CDH4: variants seen among roughly 807,000 people sequenced by gnomAD.
The protein encoded by CDH4 is cadherin-4.
Under a neutral mutation model 86.0 loss-of-function variants are expected in CDH4, and 33 were observed. That is an observed-to-expected ratio of 0.38 (90% CI 0.29 to 0.51). The LOEUF (loss-of-function observed/expected upper bound fraction) is 0.51. Among genes scored for constraint, CDH4 ranks in the 20% least tolerant of loss-of-function variants. The probability of loss-of-function intolerance (pLI) is 0.86; values close to 1 mark genes in which losing one functional copy is unlikely to be tolerated. For missense variants in CDH4, 1,114 were observed against 1,307.4 expected (o/e 0.85, Z 2.28); for synonymous variants, 555 against 549.4 (o/e 1.01, Z -0.14).
At chr20:61,526,175 C>A (rs551234345) in intron 2 of CDH4, among the ~76,000 whole-genome samples, 3 of 152,054 alleles carry the variant, frequency 2.0e-5, no homozygotes, top group Admixed American at 6.5e-5. Context: ...TGCCCCTCCC[C>A]CTCCCCGGGT....
chr20:61,527,952 C>G (rs1008816635), intron 2 of CDH4, among the ~76,000 whole-genome samples: 4 of 152,046 alleles, frequency 2.6e-5, no homozygotes, highest in Admixed American at 2.6e-4. Context: ...TGGTGATGTC[C>G]CATTAGTGCC....
intron 2 of CDH4, among the ~76,000 whole-genome samples, chr20:61,311,526 G>C (rs963064429): frequency 6.6e-6 from 1 of 152,184 alleles, no homozygotes; most frequent in Non-Finnish European, 1.5e-5. Flanking sequence ...CAGATATTTA[G>C]TAAACATAGA....
At chr20:61,753,192 A>G (rs1437088372) in intron 3 of CDH4, among the ~76,000 whole-genome samples, 1 of 152,086 alleles carries the variant, frequency 6.6e-6, no homozygotes, top group Admixed American at 6.6e-5. Context: ...GTTTATTGAG[A>G]GGAGCCTGGA....
chr20:61,857,041 C>G lies in CDH4; in HGVS notation c.877+4143C>G, dbSNP rs184627367. Among the ~76,000 whole-genome samples the G allele has an allele frequency of 1.8e-3, 273 of 152,344 alleles. 1 individual carries two copies. Among genetic ancestry groups the G allele is most frequent in the Admixed American group, 2.4e-3 (37 of 15,310 alleles). On this transcript the variant is annotated intron_variant, in intron 6 of 15. Coordinates refer to ENST00000614565, the MANE Select transcript of CDH4 (RefSeq NM_001794.5). ...GCTTGTTCCTAAGCAGCTGGACAGCCCTGGGGGTGAGGGGAGCGTGTCTTT... is the reference window on the plus strand; with the variant it reads ...GCTTGTTCCTAAGCAGCTGGACAGCGCTGGGGGTGAGGGGAGCGTGTCTTT...
chr20:61,766,824 G>T (rs867195395), intron 3 of CDH4, among the ~76,000 whole-genome samples: 4 of 152,234 alleles, frequency 2.6e-5, no homozygotes, highest in African/African-American at 9.6e-5. Flanking sequence ...TCACCCTTCA[G>T]TGCCCTGACC....
intron 2 of CDH4, among the ~76,000 whole-genome samples, chr20:61,318,425 T>A (rs534976279): frequency 1.5e-4 from 23 of 152,262 alleles, no homozygotes; most frequent in Middle Eastern, 3.4e-3. Context: ...GTGACAATGA[T>A]TTGAACTGAC....
intron 2 of CDH4, among the ~76,000 whole-genome samples, chr20:61,644,364 G>A (rs2087039984): frequency 6.6e-6 from 1 of 152,218 alleles, no homozygotes; most frequent in Non-Finnish European, 1.5e-5. Context: ...GGGCTGCGCA[G>A]AGCCCTTCGA....
chr20:61,366,081 G>A (rs746138815), intron 2 of CDH4, among the ~76,000 whole-genome samples: 10 of 152,186 alleles, frequency 6.6e-5, no homozygotes, highest in Admixed American at 2.6e-4. Flanking sequence ...AGTGGTGGCC[G>A]GCCAGCCGCA....
chr20:61,729,188 C>T (rs779373845), intron 2 of CDH4, among the ~76,000 whole-genome samples: 7 of 152,204 alleles, frequency 4.6e-5, no homozygotes, highest in Non-Finnish European at 1.0e-4. Context: ...GCATTGGTGG[C>T]TGGATTTGCC....
Position 61,761,931 on chromosome 20 carries a change from G to A in CDH4, c.397-11072G>A, listed in dbSNP as rs117332189. Among the ~76,000 whole-genome samples the A allele has an allele frequency of 3.3e-5, 5 of 152,066 alleles. No individual in the cohort carries two copies. In the East Asian group the frequency reaches 9.6e-4, roughly 29 times the overall value. On this transcript the variant is annotated intron_variant, in intron 3 of 15. Transcript: ENST00000614565. ...GCACAGCAGGCAGCTCCGCACAGCA[G>A]GCAGCGCCGCACGGCAGGCAGCTCC...
intron 2 of CDH4, among the ~76,000 whole-genome samples, chr20:61,447,363 A>G (rs537474771): frequency 7.3e-6 from 1 of 136,996 alleles, no homozygotes; most frequent in East Asian, 2.1e-4. Context: ...TAGTAGAGAC[A>G]GGGTTTTGCT....
At chr20:61,656,726 G>T (rs553445495) in intron 2 of CDH4, among the ~76,000 whole-genome samples, 1 of 152,302 alleles carries the variant, frequency 6.6e-6, no homozygotes, top group East Asian at 1.9e-4. Context: ...CTCCTCCCAG[G>T]ATCGTCCCCT....
chr20:61,494,824 G>A (rs2085648515), intron 2 of CDH4, among the ~76,000 whole-genome samples: 1 of 152,244 alleles, frequency 6.6e-6, no homozygotes, highest in Non-Finnish European at 1.5e-5. Context: ...CTCCTGGAAG[G>A]TGGAGCATCT....
At chr20:61,481,929 C>T (rs1053559681) in intron 2 of CDH4, among the ~76,000 whole-genome samples, 1 of 152,156 alleles carries the variant, frequency 6.6e-6, no homozygotes, top group Non-Finnish European at 1.5e-5. Context: ...ATGACTTTTC[C>T]ATACATATCG....
chr20:61,609,774 T>C (rs1157175209), intron 2 of CDH4, among the ~76,000 whole-genome samples: 2 of 152,248 alleles, frequency 1.3e-5, no homozygotes, highest in Non-Finnish European at 2.9e-5. Context: ...TTGATTGCCA[T>C]TTGAATGAGC....
At chr20:61,889,338 A>G (rs867484999) in intron 7 of CDH4, among the ~76,000 whole-genome samples, 1 of 99,252 alleles carries the variant, frequency 1.0e-5, no homozygotes, top group African/African-American at 3.8e-5. Context: ...GGATGGATGG[A>G]TGGGTGAGTG....
chr20:61,443,424 A>G (rs1388713270), intron 2 of CDH4, among the ~76,000 whole-genome samples: 2 of 152,228 alleles, frequency 1.3e-5, no homozygotes. Context: ...GGCAGTGAAG[A>G]CACTTCAAGG....
chr20:61,842,069 G>A (rs1982204046), intron 4 of CDH4, among the ~76,000 whole-genome samples: 1 of 152,232 alleles, frequency 6.6e-6, no homozygotes, highest in South Asian at 2.1e-4. Context: ...TTTTCCAGGG[G>A]ATGACTTGCT....
chr20:61,643,748 C>T (rs951389867), intron 2 of CDH4, among the ~76,000 whole-genome samples: 17 of 152,356 alleles, frequency 1.1e-4, no homozygotes, highest in African/African-American at 4.1e-4. Flanking sequence ...GCTGCTACAC[C>T]AGATCCTCAC....
Sources: gnomAD v4.1 joint callset for allele counts (sites outside exome capture counted in the v4.1 genomes callset) on GRCh38, gnomAD v4.1.1 for gene constraint, MANE v1.5 for transcripts, NCBI Gene and HGNC (gene_info 2026-07-23, HGNC 2026-07-21) for gene names.